Variants in MYO3A observed in about 807,000 individuals in gnomAD.
MYO3A encodes the protein myosin IIIA.
A neutral mutation model predicts 192.7 loss-of-function variants in MYO3A; 180 were observed. That is an observed-to-expected ratio of 0.93 (90% confidence interval 0.83 to 1.06). The LOEUF is 1.06. Ranked by LOEUF, MYO3A falls within the 50% of genes least tolerant of loss-of-function variation. MYO3A has a pLI of 0.00. For missense variants in MYO3A, 1,896 were observed against 1,905.0 expected, an observed-to-expected ratio of 1.00 and a Z score of 0.09; for synonymous variants, 628 against 645.3, an observed-to-expected ratio of 0.97 and a Z score of 0.41.
intron 28 of MYO3A, among the ~76,000 whole-genome samples, chr10:26,169,319 C>G (rs1171743516): frequency 1.3e-5 from 2 of 152,128 alleles, no homozygotes; most frequent in South Asian, 4.1e-4. Flanking sequence ...TATAACCATA[C>G]TTTACTTCAC....
chr10:26,101,813 T>C lies in MYO3A; in HGVS notation c.1776+5131T>C, dbSNP rs575999941. On this transcript the variant is annotated intron_variant, in intron 17 of 34. Coordinates refer to ENST00000642920, the MANE Select transcript of MYO3A (RefSeq NM_017433.5). ...CTTTGTGGGTAAGCCGACCTTTCTC[T>C]CTGGCTGCCCTTAATATTTTTTCCT... 3.3e-5 allele frequency among the ~76,000 whole-genome samples: 5 copies of C among 152,358 alleles called. No homozygotes were observed. The East Asian group carries it at 9.6e-4, about 29-fold the overall frequency.
intron 10 of MYO3A, among the ~76,000 whole-genome samples, chr10:26,041,787 G>A (rs567950251): frequency 2.0e-5 from 3 of 152,002 alleles, no homozygotes; most frequent in Admixed American, 2.0e-4. Context: ...TTCTTGTACT[G>A]TCTATGTCTT....
intron 20 of MYO3A, among the ~76,000 whole-genome samples, chr10:26,135,024 T>G (rs944304814): frequency 6.6e-6 from 1 of 152,196 alleles, no homozygotes; most frequent in Non-Finnish European, 1.5e-5. Context: ...ATCCAAGCAG[T>G]TGTGCATTCT....
At chr10:26,034,376 G>T (rs1000817559) in intron 10 of MYO3A, among the ~76,000 whole-genome samples, 3 of 152,176 alleles carry the variant, frequency 2.0e-5, no homozygotes, top group African/African-American at 7.2e-5. Flanking sequence ...GGACTGCCAG[G>T]ATGGCAACGC....
chr10:26,000,000 C>T (rs1840688458), intron 6 of MYO3A, among the ~76,000 whole-genome samples: 1 of 152,108 alleles, frequency 6.6e-6, no homozygotes, highest in Admixed American at 6.5e-5. Context: ...TACTGAACTC[C>T]CTGCATCCTA....
intron 17 of MYO3A, among the ~76,000 whole-genome samples, chr10:26,108,863 G>A (rs1213970450): frequency 6.6e-6 from 1 of 152,192 alleles, no homozygotes; most frequent in Non-Finnish European, 1.5e-5. Context: ...TGAGGTTGGA[G>A]AAGAAGCAGA....
intron 34 of MYO3A, among the ~76,000 whole-genome samples, chr10:26,206,262 T>C (rs1246354016): frequency 6.6e-6 from 1 of 151,536 alleles, no homozygotes; most frequent in Non-Finnish European, 1.5e-5. Flanking sequence ...GGTTTCACCA[T>C]GTTGGCCAGG....
intron 31 of MYO3A, among the ~76,000 whole-genome samples, chr10:26,178,307 G>T (rs74323409): frequency 6.6e-6 from 1 of 152,024 alleles, no homozygotes; most frequent in East Asian, 1.9e-4. Flanking sequence ...AGTAGAGGTC[G>T]CCACCAAGAT....
chr10:25,948,721 T>C (rs1013599572), intron 2 of MYO3A, among the ~76,000 whole-genome samples: 9 of 152,178 alleles, frequency 5.9e-5, no homozygotes, highest in Non-Finnish European at 1.3e-4. Context: ...AAGTGTAGTT[T>C]AGCAGTCAAG....
At chr10:26,209,252 T>C (rs1037706733) in intron 34 of MYO3A, among the ~76,000 whole-genome samples, 3 of 152,222 alleles carry the variant, frequency 2.0e-5, no homozygotes, top group African/African-American at 4.8e-5. Context: ...AGTGCTATCA[T>C]TGACTCAAGG....
At chr10:26,116,096 A>G (rs368500705) in intron 17 of MYO3A, among the ~76,000 whole-genome samples, 2 of 152,008 alleles carry the variant, frequency 1.3e-5, no homozygotes, top group East Asian at 1.9e-4. Context: ...AAATTTAACA[A>G]AAAAAAAGCA....
chr10:26,124,345 C>A (rs1839071920), intron 18 of MYO3A, among the ~76,000 whole-genome samples: 1 of 151,920 alleles, frequency 6.6e-6, no homozygotes, highest in South Asian at 2.1e-4. Flanking sequence ...GATATATTAT[C>A]ATATTTGTCA....
intron 6 of MYO3A, among the ~76,000 whole-genome samples, chr10:26,002,409 G>A (rs1449289698): frequency 2.0e-5 from 3 of 152,242 alleles, no homozygotes; most frequent in African/African-American, 7.2e-5. Context: ...GCACAAGGGA[G>A]GGGAAGGGGT....
rs1231767103 is a variant in MYO3A, at chr10:26,105,113, C to T, written c.1776+8431C>T. 5.9e-5 allele frequency among the ~76,000 whole-genome samples: 9 copies of T among 152,168 alleles called. No homozygotes were observed. In the East Asian group the frequency reaches 1.7e-3, roughly 29 times the overall value. On this transcript the variant is annotated intron_variant, in intron 17 of 34. Transcript: ENST00000642920. ...TACCATAATTTATTCAGCCGTTCAG[C>T]CATGACTGGGCATATAACTATAAAT... is the stretch of plus-strand genomic sequence containing the variant.
At chr10:26,044,173 G>T (rs1744861593) in intron 10 of MYO3A, among the ~76,000 whole-genome samples, 1 of 152,160 alleles carries the variant, frequency 6.6e-6, no homozygotes, top group Non-Finnish European at 1.5e-5. Flanking sequence ...TACTATGGCT[G>T]AGCTGGTATT....
intron 6 of MYO3A, among the ~76,000 whole-genome samples, chr10:26,004,306 A>G (rs1841041350): frequency 6.6e-6 from 1 of 152,152 alleles, no homozygotes; most frequent in African/African-American, 2.4e-5. Context: ...GGCCTGATAC[A>G]GTCAGGAGAT....
chr10:26,023,480 G>A (rs1180643472), intron 8 of MYO3A: 1 of 153,670 alleles, frequency 6.5e-6, no homozygotes, highest in Non-Finnish European at 1.4e-5. Flanking sequence ...TGTTAAAGTT[G>A]TATTCACAGC....
At chr10:26,048,003 G>A (rs1375777234) in intron 10 of MYO3A, among the ~76,000 whole-genome samples, 1 of 152,032 alleles carries the variant, frequency 6.6e-6, no homozygotes, top group African/African-American at 2.4e-5. Flanking sequence ...TTATATCAAA[G>A]GCCTTAGTAA....
In MYO3A at chr10:26,174,392, T is replaced by A. The variant is rs1457302467; in HGVS notation, c.4128T>A (p.His1376Gln). 1 of 1,614,152 alleles carries A rather than the reference T, an allele frequency of 6.2e-7. No homozygotes were observed. The highest frequency in any genetic ancestry group is 8.5e-7 in the Non-Finnish European group (1 of 1,180,034). ...LRKDKMSSFK[H>Q]QRIVTTPTEV... ...AGGACAAGATGTCTTCTTTTAAGCA[T>A]CAGAGGATTGTCACAACACCAACAG... The change falls in exon 30 of 35, where the codon CAT becomes CAA. Residue 1376 changes from histidine to glutamine, a missense_variant. Transcript: ENST00000642920.
Sources: gnomAD v4.1 joint callset for allele counts (sites outside exome capture counted in the v4.1 genomes callset) on GRCh38, gnomAD v4.1.1 for gene constraint, MANE v1.5 for transcripts, NCBI Gene and HGNC (gene_info 2026-07-23, HGNC 2026-07-21) for gene names.